HHIP: variants seen among roughly 807,000 people sequenced by gnomAD.
HHIP encodes hedgehog-interacting protein.
In HHIP, 12 loss-of-function variants were observed where a neutral mutation model predicts 74.0. The ratio of observed to expected loss-of-function variants is 0.16; its 90% CI spans 0.10 to 0.26. The LOEUF (loss-of-function observed/expected upper bound fraction) is 0.26, where lower values mean the gene tolerates loss of function less well. Among genes scored for constraint, HHIP ranks in the 10% least tolerant of loss-of-function variants. The pLI, the probability that HHIP is intolerant of heterozygous loss-of-function variation, is 1.00. For missense variants in HHIP, 788 were observed against 845.0 expected (o/e 0.93, Z 0.84); for synonymous variants, 309 against 311.6 (o/e 0.99, Z 0.09).
intron 9 of HHIP, 102 bp downstream of exon 9, chr4:144,714,450 G>A: frequency 1.7e-6 from 2 of 1,162,274 alleles, no homozygotes; most frequent in Non-Finnish European, 1.3e-6. Flanking sequence ...CTCTTTTTGT[G>A]CATCAGATGG....
intron 4 of HHIP, among the ~76,000 whole-genome samples, chr4:144,691,800 C>T (rs879531262): frequency 6.6e-6 from 1 of 152,014 alleles, no homozygotes; most frequent in Admixed American, 6.6e-5. Flanking sequence ...CCAAAGCCCT[C>T]ACTCTAAAGT....
At position 144,738,317 on chromosome 4, in the gene HHIP, T is replaced by G. The variant is rs1731177743; in HGVS notation, c.*360T>G. The G allele has an allele frequency of 2.0e-6, 2 of 982,004 alleles. No individual in the cohort carries two copies. The highest frequency in any genetic ancestry group is 1.1e-4 in the East Asian group (1 of 8,912). 60.8% of individuals were successfully genotyped at this position (982,004 alleles called of 1,614,324 possible). A position where few individuals can be genotyped will look rare whatever the true frequency, so the allele number is the denominator to read the frequency against. On this transcript the variant is annotated 3_prime_UTR_variant, in exon 13 of 13. Coordinates refer to ENST00000296575, the MANE Select transcript of HHIP (RefSeq NM_022475.3). ...CCAGGAATTTTCTGTCTGTAATCAC[T>G]AAAGTCAACTTTAATAGAGTTTTGA... is the stretch of plus-strand genomic sequence containing the variant.
chr4:144,664,246 C>A (rs946172388), intron 4 of HHIP, among the ~76,000 whole-genome samples: 2 of 152,182 alleles, frequency 1.3e-5, no homozygotes, highest in Non-Finnish European at 2.9e-5. Context: ...GCTAATTGTC[C>A]GGGTGACTGA....
Position 144,711,994 on chromosome 4 carries a change from C to T in HHIP, c.1346C>T (p.Thr449Met), listed in dbSNP as rs114688020. The change falls in exon 8 of 13, where the codon ACG becomes ATG. Residue 449 changes from threonine to methionine, a missense_variant. By Grantham distance (81) the Thr-to-Met change is moderately conservative. Transcript: ENST00000296575. The part of the protein sequence containing the change: ...RHPTDININL[T>M]ILCSDSNGKN... Reference sequence around the variant, plus strand: ...CCCACTGATATAAACATCAATTTAACGATACTGTGTTCAGACTCCAATGGA... The same window carrying T: ...CCCACTGATATAAACATCAATTTAATGATACTGTGTTCAGACTCCAATGGA... 2.4e-4 allele frequency: 380 copies of T among 1,610,826 alleles called. No homozygotes were observed. In the African/African-American group the frequency reaches 4.4e-3, roughly 19 times the overall value.
chr4:144,656,793 A>AATT (rs1422589405), intron 2 of HHIP, among the ~76,000 whole-genome samples: 2 of 152,070 alleles, frequency 1.3e-5, no homozygotes, highest in Non-Finnish European at 2.9e-5. Flanking sequence ...TTGATTTAAC[A>AATT]ATTTAGTTTT....
intron 8 of HHIP, 70 bp from the exon 9 acceptor site, chr4:144,714,155 T>A: frequency 7.6e-7 from 1 of 1,324,078 alleles, no homozygotes; most frequent in Non-Finnish European, 1.1e-6. Flanking sequence ...TAGTAATTGT[T>A]GTTTGGTGTA....
chr4:144,650,321 G>A (rs992038026), intron 1 of HHIP, among the ~76,000 whole-genome samples: 1 of 151,992 alleles, frequency 6.6e-6, no homozygotes, highest in Non-Finnish European at 1.5e-5. Context: ...ATGATTACTA[G>A]GCATGCTGTA....
chr4:144,646,694 T>C lies in HHIP; in HGVS notation c.19T>C (p.Phe7Leu), dbSNP rs1462326031. 1.2e-6 allele frequency: 2 copies of C among 1,614,116 alleles called. No individual in the cohort carries two copies. The highest frequency in any genetic ancestry group is 1.7e-6 in the Non-Finnish European group (2 of 1,180,000). Residue 7 changes from phenylalanine (F) to leucine (L), a missense_variant, in exon 1 of 13, where the codon TTT becomes CTT. Physicochemically the swap from Phe to Leu is conservative, Grantham distance 22. Transcript: ENST00000296575. MLKMLS[F>L]KLLLLAVALG... ...GCAGACGATGCTGAAGATGCTCTCC[T>C]TTAAGCTGCTGCTGCTGGCCGTGGC... is the stretch of plus-strand genomic sequence containing the variant.
At position 144,714,345 on chromosome 4, in the gene HHIP, A is replaced by G; in HGVS notation, c.1544A>G (p.Asn515Ser). ...GGAAGCTACGTGTTTGGAGATCGTA[A>G]TGGGTAGGTTTCCTGATACCACAAC... ...LYGSYVFGDRNGNFLTLQQSP... is the reference protein window; with the variant it reads ...LYGSYVFGDRSGNFLTLQQSP... Residue 515 changes from asparagine to serine, a missense_variant, in exon 9 of 13, where the codon AAT (asparagine) becomes AGT (serine). This residue lies in a region of HHIP where 343 missense variants were observed against 347.9 expected (regional missense o/e 0.99). Transcript: ENST00000296575. 1 of 1,613,306 alleles carries G rather than the reference A, an allele frequency of 6.2e-7. No homozygotes were observed. Among genetic ancestry groups the G allele is most frequent in the South Asian group, 1.1e-5 (1 of 91,052 alleles).
At chr4:144,722,123 T>TG (rs1730655865) in intron 11 of HHIP, among the ~76,000 whole-genome samples, 1 of 152,080 alleles carries the variant, frequency 6.6e-6, no homozygotes, top group Non-Finnish European at 1.5e-5. Flanking sequence ...TGCCATAGCC[T>TG]GGGGGATCCT....
At chr4:144,704,356 G>T (rs558238968) in intron 4 of HHIP, among the ~76,000 whole-genome samples, 1 of 152,012 alleles carries the variant, frequency 6.6e-6, no homozygotes, top group African/African-American at 2.4e-5. Context: ...TTGCTTTTTT[G>T]ATTTATTTCT....
chr4:144,742,181 G>A lies in HHIP; in HGVS notation c.*4224G>A, dbSNP rs747117692. The A allele has an allele frequency of 1.3e-5, 2 of 151,972 alleles. No homozygotes were observed. Among genetic ancestry groups the A allele is most frequent in the Non-Finnish European group, 2.9e-5 (2 of 67,986 alleles). The allele number at this position is 151,972 out of a possible 1,614,324, so 9.4% of individuals were successfully genotyped here. On this transcript the variant is annotated 3_prime_UTR_variant, in exon 13 of 13. Coordinates refer to ENST00000296575, the MANE Select transcript of HHIP (RefSeq NM_022475.3). ...GACATGTTCTCAATACACCCATGTT[G>A]AAGGTATCCTGGGCTAGATTGCTGT...
intron 4 of HHIP, among the ~76,000 whole-genome samples, chr4:144,686,901 GA>G (rs1729502615): frequency 1.3e-5 from 2 of 152,142 alleles, no homozygotes; most frequent in South Asian, 4.1e-4. Context: ...GAACATGTAT[GA>G]AAACTTAAAC....
intron 4 of HHIP, among the ~76,000 whole-genome samples, chr4:144,688,290 G>A (rs956379114): frequency 3.9e-5 from 6 of 152,190 alleles, no homozygotes; most frequent in Middle Eastern, 6.3e-3. Flanking sequence ...AATTGTGCTT[G>A]ATTTGGCCTT....
chr4:144,721,626 C>T (rs571861447), intron 11 of HHIP, among the ~76,000 whole-genome samples: 13 of 149,504 alleles, frequency 8.7e-5, no homozygotes, highest in African/African-American at 2.0e-4. Flanking sequence ...CCAGGCCGGG[C>T]GTGGTGGCTC....
Position 144,744,894 on chromosome 4 carries a change from C to G in HHIP, c.*6937C>G, listed in dbSNP as rs1731342957. 1 of 152,110 alleles carries G rather than the reference C, an allele frequency of 6.6e-6. No homozygotes were observed. The highest frequency in any genetic ancestry group is 2.1e-4 in the South Asian group (1 of 4,822). 9.4% of individuals were successfully genotyped at this position (152,110 alleles called of 1,614,324 possible). ...AATTCAGCAGTAACAGTACAGATGG[C>G]CTAAAGTACATCTGTGTGTATCTGT... On this transcript the variant is annotated 3_prime_UTR_variant, in exon 13 of 13. Coordinates refer to ENST00000296575, the MANE Select transcript of HHIP (RefSeq NM_022475.3).
At position 144,742,706 on chromosome 4, in the gene HHIP, A is replaced by G. The variant is rs1731286619; in HGVS notation, c.*4749A>G. On this transcript the variant is annotated 3_prime_UTR_variant, in exon 13 of 13. Transcript: ENST00000296575. ...TAAACTAGTACTGTGAATGCTGGCA[A>G]TACCATCAGAAAGTTTATCTTTAAA... 1 of 151,254 alleles carries G rather than the reference A, an allele frequency of 6.6e-6. No individual in the cohort carries two copies. The highest frequency in any genetic ancestry group is 1.5e-5 in the Non-Finnish European group (1 of 67,844). The allele number at this position is 151,254 out of a possible 1,614,324, so 9.4% of individuals were successfully genotyped here.
chr4:144,708,008 G>GAGA, intron 6 of HHIP, 160 bp from the exon 7 acceptor site: 1 of 712,936 alleles, frequency 1.4e-6, no homozygotes, highest in Non-Finnish European at 2.3e-6. Flanking sequence ...TTCCCAAAGT[G>GAGA]CTGGGATTAC....
intron 11 of HHIP, among the ~76,000 whole-genome samples, chr4:144,733,572 A>G (rs985994333): frequency 6.6e-6 from 1 of 152,176 alleles, no homozygotes; most frequent in Non-Finnish European, 1.5e-5. Context: ...TGCTTATCTC[A>G]AAAAGCTCTG....
Sources: gnomAD v4.1 joint callset for allele counts (sites outside exome capture counted in the v4.1 genomes callset) on GRCh38, gnomAD v4.1.1 for gene constraint, gnomAD v4.1.1 regional missense constraint, MANE v1.5 for transcripts, NCBI Gene and HGNC (gene_info 2026-07-23, HGNC 2026-07-21) for gene names.